The following GRIA2 variants were observed in gnomAD, a reference collection of about 807,000 sequenced individuals.
GRIA2 encodes the protein glutamate receptor 2.
Under a neutral mutation model 97.3 loss-of-function variants are expected in GRIA2, and 14 were observed. The observed-to-expected ratio is 0.14, with a 90% CI of 0.10 to 0.23. The LOEUF (loss-of-function observed/expected upper bound fraction) is 0.23, where lower values mean the gene tolerates loss of function less well. GRIA2 is among the 10% of genes least tolerant of loss of function. The pLI is 1.00. For synonymous variants in GRIA2, 412 were observed against 387.8 expected (o/e 1.06, Z -0.73); for missense variants, 558 against 1,069.8 (o/e 0.52, Z 6.67).
At chr4:157,260,057 A>G (rs1731458406) in intron 2 of GRIA2, among the ~76,000 whole-genome samples, 1 of 152,100 alleles carries the variant, frequency 6.6e-6, no homozygotes. Context: ...TCTTGTAAAG[A>G]CAATTCCTTA....
intron 13 of GRIA2, chr4:157,360,696 GTT>G: frequency 2.4e-6 from 1 of 417,800 alleles, no homozygotes; most frequent in South Asian, 1.9e-5. Context: ...TTTGTCGTTT[GTT>G]TTTTTTTTAG....
At chr4:157,323,077 T>G (rs914056761) in intron 6 of GRIA2, among the ~76,000 whole-genome samples, 1 of 152,108 alleles carries the variant, frequency 6.6e-6, no homozygotes, top group Admixed American at 6.5e-5. Flanking sequence ...GGCTCACGCC[T>G]GTAATCCCTG....
At chr4:157,303,826 C>T (rs377649252) in intron 3 of GRIA2, 35 bp downstream of exon 3, 29 of 1,599,080 alleles carry the variant, frequency 1.8e-5, no homozygotes, top group South Asian at 4.4e-5. Context: ...TGTAATGGGG[C>T]GAATTCAATG....
chr4:157,249,534 C>G (rs945319714), intron 2 of GRIA2: 4 of 152,086 alleles, frequency 2.6e-5, no homozygotes, highest in Non-Finnish European at 2.9e-5. Context: ...TCAAAGGTGA[C>G]ACAGTTATTT....
intron 2 of GRIA2, among the ~76,000 whole-genome samples, chr4:157,260,237 C>T (rs1033718482): frequency 6.6e-5 from 10 of 152,060 alleles, no homozygotes; most frequent in African/African-American, 2.4e-4. Context: ...CTCTCCCAGA[C>T]ATTCTGTATT....
intron 11 of GRIA2, among the ~76,000 whole-genome samples, chr4:157,340,733 C>T (rs567019195): frequency 3.9e-5 from 6 of 151,922 alleles, no homozygotes; most frequent in Admixed American, 2.0e-4. Flanking sequence ...GTATCTAATA[C>T]CTATGTTTTA....
chr4:157,235,112 C>T (rs1043226290), intron 2 of GRIA2, among the ~76,000 whole-genome samples: 9 of 152,078 alleles, frequency 5.9e-5, no homozygotes, highest in African/African-American at 2.2e-4. Flanking sequence ...ATTTACACAA[C>T]AGTTATATCC....
chr4:157,340,171 GTTAA>G (rs1384456404), intron 11 of GRIA2, among the ~76,000 whole-genome samples: 2 of 151,688 alleles, frequency 1.3e-5, no homozygotes, highest in African/African-American at 2.4e-5. Flanking sequence ...ATTTCTTACT[GTTAA>G]TTGTCAGAAA....
At chr4:157,236,009 A>G (rs1346193736) in intron 2 of GRIA2, among the ~76,000 whole-genome samples, 4 of 152,024 alleles carry the variant, frequency 2.6e-5, no homozygotes, top group African/African-American at 9.7e-5. Flanking sequence ...GATTTTATAT[A>G]ATTTAAACCT....
chr4:157,306,829 C>A (rs894479364), intron 3 of GRIA2, among the ~76,000 whole-genome samples: 1 of 152,038 alleles, frequency 6.6e-6, no homozygotes, highest in African/African-American at 2.4e-5. Flanking sequence ...CCATTTGGTC[C>A]GAAATCATTT....
chr4:157,361,450 G>A lies in GRIA2; in HGVS notation c.2406+326G>A, dbSNP rs1227001140. ...GCCAAATGGCGCATCAATGACTATCGCTCTTACAAAGCTCTTGAATCAGTA... is the reference window on the plus strand; with the variant it reads ...GCCAAATGGCGCATCAATGACTATCACTCTTACAAAGCTCTTGAATCAGTA... On this transcript the variant is annotated intron_variant, in intron 14 of 15. Transcript: ENST00000264426. This position sits in a 1 kb window ranked among gnomAD's most constrained non-coding sequence, Gnocchi z 5.2. 7.9e-6 allele frequency: 8 copies of A among 1,016,652 alleles called. No homozygotes were observed. The highest frequency in any genetic ancestry group is 7.8e-5 in the Admixed American group (4 of 51,456). The allele number at this position is 1,016,652 out of a possible 1,614,324, so 63.0% of individuals were successfully genotyped here. A position where few individuals can be genotyped will look rare whatever the true frequency, so the allele number is the denominator to read the frequency against.
At chr4:157,246,917 A>G (rs1033021238) in intron 2 of GRIA2, among the ~76,000 whole-genome samples, 2 of 152,118 alleles carry the variant, frequency 1.3e-5, no homozygotes, top group Admixed American at 1.3e-4. Context: ...TTAGATTTCT[A>G]TATTGTTATA....
At chr4:157,279,960 A>G (rs539013715) in intron 2 of GRIA2, among the ~76,000 whole-genome samples, 1 of 152,226 alleles carries the variant, frequency 6.6e-6, no homozygotes, top group South Asian at 2.1e-4. Flanking sequence ...CCCCGTCTCT[A>G]CTAAAAATAC....
At chr4:157,289,307 C>T (rs1181853069) in intron 2 of GRIA2, among the ~76,000 whole-genome samples, 2 of 151,738 alleles carry the variant, frequency 1.3e-5, no homozygotes, top group African/African-American at 4.8e-5. Context: ...CTGAGCATTG[C>T]TGGAAGTAAT....
rs1202093527 is a variant in GRIA2, at chr4:157,355,907, A to T, written c.2044-3989A>T. The stretch of plus-strand genomic sequence containing the variant: ...TATTAATATATTTATATATAAATAT[A>T]TATATATTAATATATTTATATATAT... On this transcript the variant is annotated intron_variant, in intron 12 of 15. Transcript: ENST00000264426. Among the ~76,000 whole-genome samples, 201 of 62,558 alleles carry T rather than the reference A, an allele frequency of 3.2e-3. 2 individuals are homozygous for T. The highest frequency in any genetic ancestry group is 9.3e-3 in the African/African-American group (193 of 20,698). 41.0% of individuals were successfully genotyped at this position (62,558 alleles called of 152,430 possible). A position where few individuals can be genotyped will look rare whatever the true frequency, so the allele number is the denominator to read the frequency against.
intron 2 of GRIA2, among the ~76,000 whole-genome samples, chr4:157,268,596 A>C (rs1419253770): frequency 6.6e-6 from 1 of 152,056 alleles, no homozygotes; most frequent in East Asian, 1.9e-4. Flanking sequence ...AAGCAGTTTC[A>C]AACTGAGCTG....
intron 2 of GRIA2, among the ~76,000 whole-genome samples, chr4:157,227,695 T>G (rs775597526): frequency 6.6e-6 from 1 of 152,326 alleles, no homozygotes; most frequent in African/African-American, 2.4e-5. Flanking sequence ...TTACAGTAGA[T>G]TGTACTGAAG....
At chr4:157,245,886 A>C (rs947955694) in intron 2 of GRIA2, among the ~76,000 whole-genome samples, 2 of 152,024 alleles carry the variant, frequency 1.3e-5, no homozygotes, top group Admixed American at 6.6e-5. Flanking sequence ...AACAGCAATA[A>C]CTCAACCATT....
At chr4:157,275,583 A>G (rs993356715) in intron 2 of GRIA2, among the ~76,000 whole-genome samples, 3 of 152,160 alleles carry the variant, frequency 2.0e-5, no homozygotes, top group South Asian at 2.1e-4. Context: ...AGCTTTTTAC[A>G]TATGGCTAGT....
Sources: allele counts gnomAD v4.1 joint callset (sites outside exome capture counted in the v4.1 genomes callset), GRCh38; gene constraint gnomAD v4.1.1; non-coding constraint Gnocchi (gnomAD v3.1); transcripts MANE v1.5; gene names NCBI Gene and HGNC (gene_info 2026-07-23, HGNC 2026-07-21).